Variants in PTPRK observed in about 807,000 individuals in gnomAD.
The protein encoded by PTPRK is receptor-type tyrosine-protein phosphatase kappa.
A neutral mutation model predicts 178.0 loss-of-function variants in PTPRK; 75 were observed. That is an observed-to-expected ratio of 0.42 (90% CI 0.35 to 0.51). The LOEUF is 0.51. Ranked by LOEUF, PTPRK falls within the 20% of genes least tolerant of loss-of-function variation. PTPRK has a pLI of 0.02. For synonymous variants in PTPRK, 637 were observed against 620.6 expected (o/e 1.03, Z -0.39); for missense variants, 1,441 against 1,797.8 (o/e 0.80, Z 3.59).
intron 2 of PTPRK, among the ~76,000 whole-genome samples, chr6:128,388,131 GA>G (rs1323226902): frequency 1.3e-5 from 2 of 152,122 alleles, no homozygotes; most frequent in African/African-American, 4.8e-5. Context: ...CCACAGCTTT[GA>G]AACTCTACTT....
chr6:128,136,806 C>T (rs752512517), intron 7 of PTPRK, among the ~76,000 whole-genome samples: 1 of 152,096 alleles, frequency 6.6e-6, no homozygotes, highest in Admixed American at 6.6e-5. Context: ...ACTCTTTGGC[C>T]CACTTCATAT....
chr6:127,996,101 T>G (rs1328515964), intron 17 of PTPRK, among the ~76,000 whole-genome samples: 1 of 152,100 alleles, frequency 6.6e-6, no homozygotes, highest in Non-Finnish European at 1.5e-5. Flanking sequence ...CCTGTGGTTT[T>G]GTCTGATAAT....
At chr6:127,981,311 G>A in intron 24 of PTPRK, 22 bp from the exon 25 acceptor site, 1 of 1,601,916 alleles carries the variant, frequency 6.2e-7, no homozygotes, top group South Asian at 1.1e-5. Flanking sequence ...AGAGAACCCA[G>A]GTTAAAAGAC....
chr6:128,104,538 A>G (rs1789361805), intron 7 of PTPRK, among the ~76,000 whole-genome samples: 1 of 152,208 alleles, frequency 6.6e-6, no homozygotes, highest in Admixed American at 6.5e-5. Flanking sequence ...CTGTCTTTCC[A>G]TACTAAAATA....
Position 128,397,697 on chromosome 6 carries a change from A to G in PTPRK, c.101-9T>C, listed in dbSNP as rs1244901569. 2 of 1,612,414 alleles carry G rather than the reference A, an allele frequency of 1.2e-6. No homozygotes were observed. Among genetic ancestry groups the G allele is most frequent in the African/African-American group, 1.3e-5 (1 of 74,986 alleles). On this transcript the variant is annotated splice_polypyrimidine_tract_variant and intron_variant, in intron 1 of 29. Transcript: ENST00000368226. ...ATCAAAAGTACAGCCACCTAGGAGA[A>G]AAGAAGACTACTGTTACATTCTAAA...
intron 3 of PTPRK, among the ~76,000 whole-genome samples, chr6:128,276,940 G>C (rs183931392): frequency 5.3e-4 from 80 of 152,128 alleles, no homozygotes; most frequent in Admixed American, 1.1e-3. Context: ...AAAAATTGAG[G>C]ATTTGATCTT....
chr6:128,172,465 G>T (rs1442923403), intron 7 of PTPRK, among the ~76,000 whole-genome samples: 1 of 151,766 alleles, frequency 6.6e-6, no homozygotes, highest in African/African-American at 2.4e-5. Context: ...GTCCTACAGA[G>T]GCTTCTGACT....
At chr6:127,992,916 G>C (rs942778550) in intron 18 of PTPRK, among the ~76,000 whole-genome samples, 1 of 151,626 alleles carries the variant, frequency 6.6e-6, no homozygotes, top group African/African-American at 2.4e-5. Context: ...TAAAGGCTCT[G>C]ATTAGAATAT....
intron 3 of PTPRK, among the ~76,000 whole-genome samples, chr6:128,255,331 C>T (rs1482269003): frequency 6.6e-6 from 1 of 152,136 alleles, no homozygotes; most frequent in East Asian, 1.9e-4. Context: ...ATAAACTCAT[C>T]TTCATTGAGA....
At chr6:128,063,150 C>A (rs1781153974) in intron 13 of PTPRK, among the ~76,000 whole-genome samples, 1 of 152,116 alleles carries the variant, frequency 6.6e-6, no homozygotes, top group Admixed American at 6.5e-5. Flanking sequence ...ACTCACTACA[C>A]CACACCACAC....
chr6:128,431,742 G>A (rs527653630), intron 1 of PTPRK, among the ~76,000 whole-genome samples: 14 of 152,122 alleles, frequency 9.2e-5, no homozygotes, highest in Non-Finnish European at 2.1e-4. Flanking sequence ...CGCATCCAAC[G>A]CAATAAAAGC....
intron 1 of PTPRK, among the ~76,000 whole-genome samples, chr6:128,459,831 GT>G (rs745604674): frequency 1.4e-4 from 22 of 152,184 alleles, no homozygotes; most frequent in Non-Finnish European, 2.8e-4. Flanking sequence ...AAGAAAAGAG[GT>G]TTAATTGGCT....
intron 2 of PTPRK, among the ~76,000 whole-genome samples, chr6:128,353,300 T>C (rs1432873627): frequency 6.6e-6 from 1 of 152,192 alleles, no homozygotes; most frequent in African/African-American, 2.4e-5. Context: ...GAAAAACAGC[T>C]TGACAGTATT....
rs551426784 is a variant in PTPRK at position 128,281,096 on chromosome 6, C to T, written c.496-38494G>A. On this transcript the variant is annotated intron_variant, in intron 3 of 29. Coordinates refer to ENST00000368226, the MANE Select transcript of PTPRK (RefSeq NM_002844.4). ...TTATAGCACAAAGCAGTAACTATTT[C>T]TCTACATCAGTACAGAAAGGCAGTT... is the stretch of plus-strand genomic sequence containing the variant. Among the ~76,000 whole-genome samples, 4 of 152,254 alleles carry T rather than the reference C, an allele frequency of 2.6e-5. No homozygotes were observed. The South Asian group carries it at 8.3e-4, about 32-fold the overall frequency.
intron 7 of PTPRK, among the ~76,000 whole-genome samples, chr6:128,128,517 G>T (rs1793728226): frequency 6.6e-6 from 1 of 152,088 alleles, no homozygotes; most frequent in Admixed American, 6.6e-5. Flanking sequence ...CATCATTTTG[G>T]CACATCATGA....
chr6:128,180,661 T>C (rs1801761029), intron 7 of PTPRK, among the ~76,000 whole-genome samples: 1 of 152,090 alleles, frequency 6.6e-6, no homozygotes, highest in Non-Finnish European at 1.5e-5. Flanking sequence ...TAAAGTACTT[T>C]TACACTTTAA....
At chr6:128,442,251 C>G (rs1287440038) in intron 1 of PTPRK, among the ~76,000 whole-genome samples, 12 of 152,150 alleles carry the variant, frequency 7.9e-5, no homozygotes, top group Admixed American at 6.5e-4. Context: ...ATTCTTCTAG[C>G]CTTGGGGCCA....
intron 7 of PTPRK, among the ~76,000 whole-genome samples, chr6:128,102,128 T>C (rs1409344832): frequency 6.6e-6 from 1 of 152,172 alleles, no homozygotes; most frequent in Non-Finnish European, 1.5e-5. Flanking sequence ...AACAAGCAAC[T>C]AATATGTTTG....
At chr6:128,311,898 C>A (rs1309510494) in intron 3 of PTPRK, among the ~76,000 whole-genome samples, 1 of 152,078 alleles carries the variant, frequency 6.6e-6, no homozygotes, top group African/African-American at 2.4e-5. Context: ...GACCAACACT[C>A]CTATCACAAA....
Sources: allele counts gnomAD v4.1 joint callset (sites outside exome capture counted in the v4.1 genomes callset), GRCh38; gene constraint gnomAD v4.1.1; transcripts MANE v1.5; gene names NCBI Gene and HGNC (gene_info 2026-07-23, HGNC 2026-07-21).